Variants in NUP210 observed in about 807,000 individuals in gnomAD.
NUP210 encodes the protein nucleoporin 210.
In NUP210, 151 loss-of-function variants were observed where a neutral mutation model predicts 196.0. That is an observed-to-expected ratio of 0.77 (90% CI 0.67 to 0.88). The LOEUF (loss-of-function observed/expected upper bound fraction) is 0.88. Among genes scored for constraint, NUP210 ranks in the 40% least tolerant of loss-of-function variants. The pLI is 0.00. For synonymous variants in NUP210, 1,070 were observed against 1,052.7 expected, an observed-to-expected ratio of 1.02 and a Z score of -0.32; for missense variants, 2,314 against 2,493.7, an observed-to-expected ratio of 0.93 and a Z score of 1.53.
chr3:13,369,868 C>T (rs183374803), intron 13 of NUP210, among the ~76,000 whole-genome samples: 3 of 152,308 alleles, frequency 2.0e-5, no homozygotes, highest in Admixed American at 6.5e-5. Flanking sequence ...GAAATGGGAC[C>T]GCCAAGTCCA....
At chr3:13,328,615 G>A (rs752074558) in intron 31 of NUP210, among the ~76,000 whole-genome samples, 156 bp downstream of exon 31, 3 of 152,150 alleles carry the variant, frequency 2.0e-5, no homozygotes, top group Admixed American at 1.3e-4. Flanking sequence ...GTGTTTCCTC[G>A]TGGCCCTGCA....
chr3:13,363,436 G>A (rs1189296268), intron 14 of NUP210, among the ~76,000 whole-genome samples: 3 of 152,322 alleles, frequency 2.0e-5, no homozygotes, highest in African/African-American at 7.2e-5. Context: ...GGAGCTGTGT[G>A]TTCTACAATT....
At chr3:13,366,707 TG>T (rs1698550836) in intron 13 of NUP210, among the ~76,000 whole-genome samples, 1 of 150,988 alleles carries the variant, frequency 6.6e-6, no homozygotes, top group South Asian at 2.1e-4. Context: ...TTAGTAGAGA[TG>T]GGGTTTCACC....
chr3:13,377,377 T>G, intron 9 of NUP210, 79 bp downstream of exon 9: 1 of 1,010,000 alleles, frequency 9.9e-7, no homozygotes, highest in Non-Finnish European at 1.5e-6. Context: ...TCCTGTTGCT[T>G]TGGGGGCTGC....
intron 32 of NUP210, among the ~76,000 whole-genome samples, 174 bp downstream of exon 32, chr3:13,327,043 G>A (rs1696786267): frequency 6.6e-6 from 1 of 152,236 alleles, no homozygotes; most frequent in African/African-American, 2.4e-5. Context: ...GCAGAAAACA[G>A]GCACAGGCTG....
At chr3:13,374,452 T>C (rs1294778681) in intron 11 of NUP210, among the ~76,000 whole-genome samples, 2 of 152,176 alleles carry the variant, frequency 1.3e-5, no homozygotes, top group Admixed American at 6.5e-5. Flanking sequence ...ACAAGGTCGA[T>C]GCCCACAGCA....
At chr3:13,341,636 C>T (rs1697498530) in intron 23 of NUP210, 112 bp downstream of exon 23, 1 of 1,275,052 alleles carries the variant, frequency 7.8e-7, no homozygotes, top group Non-Finnish European at 1.1e-6. Flanking sequence ...CATTGTGGGA[C>T]ACAGATTTTT....
chr3:13,325,652 G>A, intron 33 of NUP210, 143 bp downstream of exon 33: 1 of 887,158 alleles, frequency 1.1e-6, no homozygotes, highest in Non-Finnish European at 1.7e-6. Flanking sequence ...TCAGCAAGTG[G>A]CCAGTCCCAG....
chr3:13,382,799 A>C (rs1034149080), intron 6 of NUP210, among the ~76,000 whole-genome samples: 3 of 152,172 alleles, frequency 2.0e-5, no homozygotes, highest in Non-Finnish European at 4.4e-5. Context: ...TTTTCTGTCT[A>C]GCAAACCTGC....
At chr3:13,373,984 T>A (rs761289182) in intron 11 of NUP210, 111 bp from the exon 12 acceptor site, 255 of 1,249,214 alleles carry the variant, frequency 2.0e-4, no homozygotes, top group Non-Finnish European at 2.7e-4. Context: ...TCATACACAT[T>A]TATCCTCACA....
At chr3:13,361,667 C>T (rs1698376013) in intron 14 of NUP210, among the ~76,000 whole-genome samples, 1 of 152,180 alleles carries the variant, frequency 6.6e-6, no homozygotes, top group Non-Finnish European at 1.5e-5. Context: ...CAGTCTGCTC[C>T]CTGCTAGACC....
intron 1 of NUP210, 76 bp downstream of exon 1, chr3:13,419,984 C>G (rs1211937701): frequency 3.0e-6 from 3 of 1,005,400 alleles, no homozygotes; most frequent in South Asian, 4.6e-5. Flanking sequence ...GCCGGCCTCC[C>G]GGCGCCCGCC....
chr3:13,391,720 C>T (rs1428107912), intron 3 of NUP210, among the ~76,000 whole-genome samples: 1 of 136,188 alleles, frequency 7.3e-6, no homozygotes, highest in African/African-American at 2.7e-5. Context: ...ACTCCTCTCC[C>T]TCCCTGTGCA....
chr3:13,390,730 G>A (rs1408610630), intron 4 of NUP210, among the ~76,000 whole-genome samples: 1 of 152,252 alleles, frequency 6.6e-6, no homozygotes, highest in Non-Finnish European at 1.5e-5. Context: ...TCATGTGGCT[G>A]CCAGGAGGAT....
intron 13 of NUP210, among the ~76,000 whole-genome samples, chr3:13,369,003 AC>A (rs1279964841): frequency 4.6e-5 from 7 of 152,192 alleles, no homozygotes; most frequent in Middle Eastern, 3.2e-3. Flanking sequence ...TTCTTGAGGA[AC>A]CACCATACTG....
intron 6 of NUP210, among the ~76,000 whole-genome samples, chr3:13,383,254 C>T (rs1234210573): frequency 6.6e-6 from 1 of 152,188 alleles, no homozygotes; most frequent in Non-Finnish European, 1.5e-5. Flanking sequence ...CCAAAACATC[C>T]ATCTGGAATC....
intron 5 of NUP210, among the ~76,000 whole-genome samples, chr3:13,386,968 T>C (rs1699299361): frequency 6.6e-6 from 1 of 152,240 alleles, no homozygotes; most frequent in Admixed American, 6.5e-5. Context: ...TAGTGCACCC[T>C]TAGGTACTGG....
chr3:13,345,461 G>C, intron 20 of NUP210, among the ~76,000 whole-genome samples: 1 of 152,336 alleles, frequency 6.6e-6, no homozygotes. Flanking sequence ...CAGCCAGAAC[G>C]GAACTGCGGG....
In NUP210 at chr3:13,317,726, G is replaced by A; in HGVS notation, c.5619C>T (p.Ala1873=). Residue 1873 remains alanine (A), a synonymous_variant, in exon 40 of 40, where the codon GCC becomes GCT. Transcript: ENST00000254508. ...GGCTCCACAGCCCTGAGGGAGGGCT[G>A]GCTTTGCGAGCAGGAGGCAATGCAT... The part of the protein sequence containing the change: ...SPNALPPARK[A]SPPSGLWSPA... 1 of 1,611,944 alleles carries A rather than the reference G, an allele frequency of 6.2e-7. No homozygotes were observed. Among genetic ancestry groups the A allele is most frequent in the Non-Finnish European group, 8.5e-7 (1 of 1,179,266 alleles).
Sources: allele counts gnomAD v4.1 joint callset (sites outside exome capture counted in the v4.1 genomes callset), GRCh38; gene constraint gnomAD v4.1.1; transcripts MANE v1.5; gene names NCBI Gene and HGNC (gene_info 2026-07-23, HGNC 2026-07-21).